The following THSD7A variants were observed in gnomAD, a reference collection of about 807,000 sequenced individuals.
THSD7A encodes the protein thrombospondin type-1 domain-containing protein 7A.
Under a neutral mutation model 231.3 loss-of-function variants are expected in THSD7A, and 96 were observed. The observed-to-expected ratio is 0.41, with a 90% confidence interval of 0.35 to 0.49. The LOEUF (loss-of-function observed/expected upper bound fraction) is 0.49. Ranked by LOEUF, THSD7A falls within the 20% of genes least tolerant of loss-of-function variation. The pLI, the probability that THSD7A is intolerant of heterozygous loss-of-function variation, is 0.05. For missense variants in THSD7A, 2,290 were observed against 2,070.2 expected, an observed-to-expected ratio of 1.11 and a Z score of -2.06; for synonymous variants, 940 against 743.3, an observed-to-expected ratio of 1.26 and a Z score of -4.30.
chr7:11,658,437 C>CT (rs780512369), intron 1 of THSD7A, among the ~76,000 whole-genome samples: 120 of 151,368 alleles, frequency 7.9e-4, no homozygotes, highest in Non-Finnish European at 1.0e-3. Context: ...CCAGATAGGC[C>CT]TTTTTTTTCA....
At chr7:11,484,874 ATTTTTTTTTTTTTTTTT>A (rs56353626) in intron 6 of THSD7A, among the ~76,000 whole-genome samples, 1 of 53,796 alleles carries the variant, frequency 1.9e-5, no homozygotes, top group African/African-American at 7.5e-5. Flanking sequence ...CACAACCTTA[ATTTTTTTTTTTTTTTTT>A]TTTTTTTTTT....
intron 1 of THSD7A, among the ~76,000 whole-genome samples, chr7:11,716,805 CT>C (rs2128151153): frequency 6.6e-6 from 1 of 151,604 alleles, no homozygotes; most frequent in African/African-American, 2.4e-5. Flanking sequence ...AAGAAAAAAT[CT>C]TATTACATTG....
intron 6 of THSD7A, among the ~76,000 whole-genome samples, chr7:11,518,643 A>G (rs1305689867): frequency 6.6e-6 from 1 of 152,038 alleles, no homozygotes; most frequent in East Asian, 1.9e-4. Flanking sequence ...ACGCACACAT[A>G]GATTTCTTTT....
intron 11 of THSD7A, among the ~76,000 whole-genome samples, chr7:11,455,721 C>G (rs995952087): frequency 6.6e-6 from 1 of 151,850 alleles, no homozygotes; most frequent in African/African-American, 2.4e-5. Context: ...GAGACTCTAC[C>G]TATATTCTTA....
chr7:11,541,542 G>C lies in THSD7A; in HGVS notation c.1699C>G (p.Pro567Ala). Residue 567 changes from proline to alanine, a missense_variant, in exon 6 of 28, where the codon CCC becomes GCC. Coordinates refer to ENST00000423059, the MANE Select transcript of THSD7A (RefSeq NM_015204.3). The part of the protein sequence containing the change: ...GNCPHLLEAI[P>A]CEEPACYDWK... ...TCATAACAGGCAGGCTCTTCACAGG[G>C]AATGGCTTCCAGTAAGTGAGGGCAG... 1 of 1,613,970 alleles carries C rather than the reference G, an allele frequency of 6.2e-7. No homozygotes were observed. The highest frequency in any genetic ancestry group is 1.3e-5 in the African/African-American group (1 of 75,046).
chr7:11,593,724 T>C (rs1479257409), intron 2 of THSD7A, among the ~76,000 whole-genome samples: 3 of 152,212 alleles, frequency 2.0e-5, no homozygotes, highest in African/African-American at 7.2e-5. Flanking sequence ...AAACCATTCA[T>C]AGGAAATAGA....
Position 11,649,010 on chromosome 7 carries a change from T to A in THSD7A, c.191-12049A>T, listed in dbSNP as rs114831503. On this transcript the variant is annotated intron_variant, in intron 1 of 27. Coordinates refer to ENST00000423059, the MANE Select transcript of THSD7A (RefSeq NM_015204.3). ...GCTTTCTGCTGTTCATGCCTTTTTA[T>A]AGTGCTCTCTGATATTGCATGGAGA... 5.9e-3 allele frequency among the ~76,000 whole-genome samples: 899 copies of A among 152,156 alleles called. 4 individuals are homozygous for A. The highest frequency in any genetic ancestry group is 0.021 in the African/African-American group (860 of 41,544).
At chr7:11,532,566 C>T (rs186649964) in intron 6 of THSD7A, among the ~76,000 whole-genome samples, 11 of 152,150 alleles carry the variant, frequency 7.2e-5, no homozygotes, top group African/African-American at 2.4e-4. Context: ...GAATCTAGAT[C>T]GGCAAAAGTA....
intron 1 of THSD7A, among the ~76,000 whole-genome samples, chr7:11,816,421 G>A (rs1177649490): frequency 1.3e-5 from 2 of 152,126 alleles, no homozygotes; most frequent in East Asian, 1.9e-4. Context: ...CATAATCAAT[G>A]GAAACTATTC....
chr7:11,752,185 T>G (rs1782526515), intron 1 of THSD7A, among the ~76,000 whole-genome samples: 1 of 152,062 alleles, frequency 6.6e-6, no homozygotes, highest in Non-Finnish European at 1.5e-5. Flanking sequence ...CAGACCACAT[T>G]CTCAGGAGGC....
chr7:11,579,531 C>T (rs1791065520), intron 4 of THSD7A, among the ~76,000 whole-genome samples: 1 of 152,170 alleles, frequency 6.6e-6, no homozygotes. Flanking sequence ...GGTTAGATGA[C>T]ATTTTATCCA....
At chr7:11,737,773 C>G (rs1781967532) in intron 1 of THSD7A, among the ~76,000 whole-genome samples, 1 of 151,988 alleles carries the variant, frequency 6.6e-6, no homozygotes, top group African/African-American at 2.4e-5. Context: ...AAGATACCCA[C>G]AGATCTAAGA....
intron 4 of THSD7A, among the ~76,000 whole-genome samples, chr7:11,557,000 T>C (rs1789874039): frequency 1.3e-5 from 2 of 152,066 alleles, no homozygotes; most frequent in African/African-American, 4.8e-5. Flanking sequence ...TTATGCTTCT[T>C]ACAACATATG....
Position 11,372,933 on chromosome 7 carries a change from T to G in THSD7A, c.*2861A>C, listed in dbSNP as rs957593898. Reference sequence around the variant, plus strand: ...GTCCAAAATAGCCAGATTGCTACGTTCTCCTCTTTCCACCTTTCTAACGAG... The same window carrying G: ...GTCCAAAATAGCCAGATTGCTACGTGCTCCTCTTTCCACCTTTCTAACGAG... On this transcript the variant is annotated 3_prime_UTR_variant, in exon 28 of 28. Coordinates refer to ENST00000423059, the MANE Select transcript of THSD7A (RefSeq NM_015204.3). 2.0e-5 allele frequency: 3 copies of G among 151,982 alleles called. No individual in the cohort carries two copies. The highest frequency in any genetic ancestry group is 4.4e-5 in the Non-Finnish European group (3 of 67,946). 9.4% of individuals were successfully genotyped at this position (151,982 alleles called of 1,614,324 possible).
rs907413873 is a variant in THSD7A at position 11,808,066 on chromosome 7, C to T, written c.190+23691G>A. Among the ~76,000 whole-genome samples, 4 of 152,182 alleles carry T rather than the reference C, an allele frequency of 2.6e-5. No individual in the cohort carries two copies. In the South Asian group the frequency reaches 6.2e-4, roughly 24 times the overall value. On this transcript the variant is annotated intron_variant, in intron 1 of 27. Coordinates refer to ENST00000423059, the MANE Select transcript of THSD7A (RefSeq NM_015204.3). ...TGCACCACCCATCTATACATTTTTC[C>T]ATACACAACTCTGTGAAAGTCTCCT... is the stretch of plus-strand genomic sequence containing the variant.
chr7:11,507,128 G>T (rs769664338), intron 6 of THSD7A, among the ~76,000 whole-genome samples: 5 of 152,092 alleles, frequency 3.3e-5, no homozygotes, highest in Non-Finnish European at 7.4e-5. Context: ...TCACAGTGAG[G>T]TACTATGGAC....
chr7:11,636,408 G>C lies in THSD7A; in HGVS notation c.744C>G (p.Ala248=). ...FQVCQSSPCE[A]EELRYSLHVG... ...CATGCAGGCTGTACCTGAGCTCCTC[G>C]GCCTCGCATGGACTGGATTGGCACA... The change falls in exon 2 of 28, where the codon GCC becomes GCG. Residue 248 remains alanine (A), a synonymous_variant. Coordinates refer to ENST00000423059, the MANE Select transcript of THSD7A (RefSeq NM_015204.3). The surrounding 1 kb of genome is among the most constrained non-coding windows in gnomAD (Gnocchi z 10.0). The C allele has an allele frequency of 6.2e-7, 1 of 1,613,626 alleles. No individual in the cohort carries two copies. Among genetic ancestry groups the C allele is most frequent in the East Asian group, 2.2e-5 (1 of 44,856 alleles).
At chr7:11,763,768 G>C (rs1782940088) in intron 1 of THSD7A, among the ~76,000 whole-genome samples, 1 of 152,048 alleles carries the variant, frequency 6.6e-6, no homozygotes, top group African/African-American at 2.4e-5. Flanking sequence ...CTAGGAAAAT[G>C]ATATTTAGAT....
chr7:11,830,005 A>C (rs894203364), intron 1 of THSD7A, among the ~76,000 whole-genome samples: 1 of 152,226 alleles, frequency 6.6e-6, no homozygotes, highest in Admixed American at 6.5e-5. Context: ...AGGCAGAAGA[A>C]GGTGTCATCA....
Sources: allele counts gnomAD v4.1 joint callset (sites outside exome capture counted in the v4.1 genomes callset), GRCh38; gene constraint gnomAD v4.1.1; non-coding constraint Gnocchi (gnomAD v3.1); transcripts MANE v1.5; gene names NCBI Gene and HGNC (gene_info 2026-07-23, HGNC 2026-07-21).